LYG1: variants seen among roughly 807,000 people sequenced by gnomAD.
LYG1 encodes the protein lysozyme g-like protein 1.
Under a neutral mutation model 21.7 loss-of-function variants are expected in LYG1, and 17 were observed. The observed-to-expected ratio is 0.78, with a 90% CI of 0.54 to 1.18. The LOEUF is 1.18. LYG1 is among the 50% of genes most tolerant of loss of function. LYG1 has a pLI of 0.00. For missense variants in LYG1, 211 were observed against 238.1 expected, an observed-to-expected ratio of 0.89 and a Z score of 0.75; for synonymous variants, 81 against 87.4, an observed-to-expected ratio of 0.93 and a Z score of 0.41.
intron 1 of LYG1, among the ~76,000 whole-genome samples, chr2:99,299,957 C>T (rs376790258): frequency 5.3e-5 from 8 of 151,876 alleles, no homozygotes; most frequent in East Asian, 3.9e-4. Flanking sequence ...CACACATGCA[C>T]GTACAGCAAC....
At chr2:99,295,082 A>G (rs943077991) in intron 3 of LYG1, among the ~76,000 whole-genome samples, 1 of 152,092 alleles carries the variant, frequency 6.6e-6, no homozygotes, top group Non-Finnish European at 1.5e-5. Context: ...AGCCTGGGTG[A>G]AAGAGCAAAA....
At chr2:99,292,262 G>C (rs2094121179) in intron 4 of LYG1, among the ~76,000 whole-genome samples, 1 of 151,962 alleles carries the variant, frequency 6.6e-6, no homozygotes, top group East Asian at 1.9e-4. Flanking sequence ...TCCAACCTGG[G>C]CAACAAGACA....
upstream of LYG1, among the ~76,000 whole-genome samples, chr2:99,302,934 G>A (rs1169724523): frequency 6.6e-6 from 1 of 151,370 alleles, no homozygotes; most frequent in Admixed American, 6.6e-5. Flanking sequence ...AGGAGAATCA[G>A]TTGAACCAAG....
intron 3 of LYG1, 87 bp downstream of exon 3, chr2:99,295,541 G>C: frequency 6.8e-7 from 1 of 1,460,844 alleles, no homozygotes; most frequent in Non-Finnish European, 9.6e-7. Flanking sequence ...CTTTTTTGTT[G>C]CATTTTCAAG....
intron 5 of LYG1, among the ~76,000 whole-genome samples, chr2:99,289,796 T>C (rs1196980022): frequency 1.3e-5 from 2 of 152,204 alleles, no homozygotes; most frequent in African/African-American, 4.8e-5. Context: ...CATGTAGGTT[T>C]CATCATATTT....
upstream of LYG1, among the ~76,000 whole-genome samples, chr2:99,304,001 C>T (rs1330979217): frequency 2.6e-5 from 4 of 152,334 alleles, no homozygotes; most frequent in South Asian, 2.1e-4. Context: ...GAAACCCCGT[C>T]TCCACTAAAA....
chr2:99,295,775 A>T, intron 2 of LYG1, 73 bp from the exon 3 acceptor site: 1 of 1,408,518 alleles, frequency 7.1e-7, no homozygotes, highest in Admixed American at 1.7e-5. Context: ...ATATTTCCAC[A>T]GAAGCAGGGG....
chr2:99,292,076 C>T (rs866220225), intron 4 of LYG1, among the ~76,000 whole-genome samples: 1 of 152,114 alleles, frequency 6.6e-6, no homozygotes. Context: ...CACCTGAGGT[C>T]AGGAGTTCGA....
intron 1 of LYG1, among the ~76,000 whole-genome samples, chr2:99,299,065 G>A (rs1487333405): frequency 6.6e-6 from 1 of 151,728 alleles, no homozygotes; most frequent in Non-Finnish European, 1.5e-5. Flanking sequence ...CTGAGTAGCT[G>A]AGACTACAGG....
At chr2:99,303,462 AC>A (rs1011626581), upstream of LYG1, among the ~76,000 whole-genome samples, 11 of 151,472 alleles carry the variant, frequency 7.3e-5, no homozygotes, top group African/African-American at 2.7e-4. Context: ...CTTCTCACAA[AC>A]CCTGCCTCTC....
chr2:99,297,250 C>A (rs1157634721), intron 2 of LYG1, among the ~76,000 whole-genome samples: 1 of 152,188 alleles, frequency 6.6e-6, no homozygotes, highest in Non-Finnish European at 1.5e-5. Context: ...CAACAGGAGT[C>A]ATTTATTCAG....
At chr2:99,292,747 C>T in intron 3 of LYG1, 107 bp from the exon 4 acceptor site, 1 of 700,654 alleles carries the variant, frequency 1.4e-6, no homozygotes, top group Admixed American at 2.4e-5. Context: ...AAATCCATTA[C>T]ATCACCTTCA....
intron 3 of LYG1, among the ~76,000 whole-genome samples, chr2:99,295,271 T>C (rs2094133208): frequency 6.6e-6 from 1 of 152,244 alleles, no homozygotes; most frequent in African/African-American, 2.4e-5. Context: ...GTCTTATTCA[T>C]TAGTCTTATT....
At chr2:99,291,549 G>T (rs968518815) in intron 4 of LYG1, 128 bp from the exon 5 acceptor site, 2 of 1,104,962 alleles carry the variant, frequency 1.8e-6, no homozygotes, top group Non-Finnish European at 2.6e-6. Flanking sequence ...CCAGATTTTG[G>T]TCTTAAATCT....
At chr2:99,295,982 C>T (rs537840243) in intron 2 of LYG1, among the ~76,000 whole-genome samples, 1 of 152,158 alleles carries the variant, frequency 6.6e-6, no homozygotes, top group South Asian at 2.1e-4. Flanking sequence ...GAAGGCAAGA[C>T]ACTTTGAATC....
At chr2:99,293,148 C>T (rs1370628680) in intron 3 of LYG1, among the ~76,000 whole-genome samples, 3 of 152,012 alleles carry the variant, frequency 2.0e-5, no homozygotes, top group South Asian at 2.1e-4. Context: ...CATGCCACCA[C>T]GCCCAGCTAA....
At chr2:99,293,413 T>C (rs2094126876) in intron 3 of LYG1, among the ~76,000 whole-genome samples, 1 of 152,216 alleles carries the variant, frequency 6.6e-6, no homozygotes, top group Admixed American at 6.5e-5. Flanking sequence ...CTCTCTGGGA[T>C]ATCAACCCAG....
chr2:99,302,493 C>A (rs1342032769), upstream of LYG1, among the ~76,000 whole-genome samples: 1 of 152,156 alleles, frequency 6.6e-6, no homozygotes, highest in African/African-American at 2.4e-5. Context: ...GACGTGTGTT[C>A]CTTGTGTTTC....
intron 3 of LYG1, 115 bp downstream of exon 3, chr2:99,295,513 G>T: frequency 7.6e-7 from 1 of 1,308,712 alleles, no homozygotes; most frequent in Non-Finnish European, 1.1e-6. Flanking sequence ...TTGTTGGACA[G>T]TTTAGGGAAA....
Sources: gnomAD v4.1 joint callset for allele counts (sites outside exome capture counted in the v4.1 genomes callset) on GRCh38, gnomAD v4.1.1 for gene constraint, MANE v1.5 for transcripts, NCBI Gene and HGNC (gene_info 2026-07-23, HGNC 2026-07-21) for gene names.